ATP11B: variants seen among roughly 807,000 people sequenced by gnomAD.
ATP11B encodes phospholipid-transporting ATPase IF.
In ATP11B, 81 loss-of-function variants were observed where a neutral mutation model predicts 157.8. That is an observed-to-expected ratio of 0.51 (90% CI 0.43 to 0.62). The LOEUF (loss-of-function observed/expected upper bound fraction) is 0.62, where lower values mean the gene tolerates loss of function less well. ATP11B is among the 20% of genes least tolerant of loss of function. ATP11B has a pLI of 0.00. For missense variants in ATP11B, 1,165 were observed against 1,402.2 expected (o/e 0.83, Z 2.70); for synonymous variants, 451 against 469.4 (o/e 0.96, Z 0.51).
intron 10 of ATP11B, among the ~76,000 whole-genome samples, chr3:182,850,208 C>A (rs1177232942): frequency 2.0e-5 from 3 of 152,170 alleles, no homozygotes; most frequent in Admixed American, 2.0e-4. Flanking sequence ...CACGGTGGCT[C>A]ATGCCTGTAA....
intron 7 of ATP11B, 107 bp downstream of exon 7, chr3:182,837,281 T>G: frequency 1.3e-6 from 1 of 796,262 alleles, no homozygotes; most frequent in Non-Finnish European, 1.9e-6. Flanking sequence ...AGACTGTATT[T>G]GTGGGGTGGG....
In ATP11B at chr3:182,836,118, A is replaced by G. The variant is rs1283727135; in HGVS notation, c.399A>G (p.Val133=). Reference sequence around the variant, plus strand: ...ATGTTGTTCGAAGTGGTGGCCTTGTAAAAACTAGATCAAAAAACATTCGGG... The same window carrying G: ...ATGTTGTTCGAAGTGGTGGCCTTGTGAAAACTAGATCAAAAAACATTCGGG... ...PVYVVRSGGL[V]KTRSKNIRVG... is the part of the protein sequence containing the mutation. The change falls in exon 5 of 30, where the codon GTA becomes GTG. Residue 133 remains valine (V), a synonymous_variant. Transcript: ENST00000323116. 1 of 1,613,398 alleles carries G rather than the reference A, an allele frequency of 6.2e-7. No individual in the cohort carries two copies. The highest frequency in any genetic ancestry group is 8.5e-7 in the Non-Finnish European group (1 of 1,179,676).
At chr3:182,829,523 C>A in intron 3 of ATP11B, 149 bp from the exon 4 acceptor site, 1 of 622,390 alleles carries the variant, frequency 1.6e-6, no homozygotes, top group Non-Finnish European at 2.8e-6. Flanking sequence ...TTTAAATAGT[C>A]TTCCAACCCC....
chr3:182,851,192 T>A (rs1719948645), intron 10 of ATP11B, among the ~76,000 whole-genome samples: 1 of 152,186 alleles, frequency 6.6e-6, no homozygotes, highest in South Asian at 2.1e-4. Flanking sequence ...CCTGGGAGGC[T>A]GAAGCAGAGA....
intron 29 of ATP11B, chr3:182,917,175 TC>T (rs916106278): frequency 4.3e-5 from 42 of 985,230 alleles, no homozygotes; most frequent in Non-Finnish European, 4.9e-5. Flanking sequence ...CTGTAACATC[TC>T]TGTTTAGGGA....
intron 1 of ATP11B, among the ~76,000 whole-genome samples, chr3:182,797,072 C>T (rs1393391051): frequency 6.6e-6 from 1 of 152,206 alleles, no homozygotes; most frequent in Non-Finnish European, 1.5e-5. Context: ...TATACTGGTA[C>T]TTAATTCTTC....
At chr3:182,831,588 A>G (rs1242097905) in intron 4 of ATP11B, among the ~76,000 whole-genome samples, 2 of 131,930 alleles carry the variant, frequency 1.5e-5, no homozygotes, top group Non-Finnish European at 3.4e-5. Context: ...TTTTTTTTTT[A>G]AACTCACTGT....
chr3:182,879,968 T>TAA (rs1455705660), intron 20 of ATP11B, among the ~76,000 whole-genome samples: 2 of 152,252 alleles, frequency 1.3e-5, no homozygotes, highest in Non-Finnish European at 2.9e-5. Flanking sequence ...ACATCAATTA[T>TAA]TTGCACCTTC....
intron 25 of ATP11B, among the ~76,000 whole-genome samples, chr3:182,895,574 G>A (rs1723492134): frequency 6.6e-6 from 1 of 152,108 alleles, no homozygotes; most frequent in African/African-American, 2.4e-5. Flanking sequence ...TTTTGAACCA[G>A]TGTTAAGATA....
chr3:182,803,479 T>C (rs1716137406), intron 1 of ATP11B, among the ~76,000 whole-genome samples: 1 of 152,254 alleles, frequency 6.6e-6, no homozygotes, highest in South Asian at 2.1e-4. Context: ...ATGGTATCTT[T>C]TTTTATACAG....
chr3:182,865,626 C>T lies in ATP11B; in HGVS notation c.1371C>T (p.Ser457=). The change falls in exon 13 of 30, where the codon TCC becomes TCT. Residue 457 remains serine, a synonymous_variant. Transcript: ENST00000323116. ...ACTTATCTTATCTTAGTAGTTTATCCCATCTTAACAACTTATCCCATCTTA... is the reference window on the plus strand; with the variant it reads ...ACTTATCTTATCTTAGTAGTTTATCTCATCTTAACAACTTATCCCATCTTA... The part of the protein sequence containing the change: ...EGNLSYLSSL[S]HLNNLSHLTT... 2 of 1,613,250 alleles carry T rather than the reference C, an allele frequency of 1.2e-6. No homozygotes were observed. The highest frequency in any genetic ancestry group is 1.7e-6 in the Non-Finnish European group (2 of 1,179,400).
At chr3:182,878,777 TATCGTGA>T (rs1457041236) in intron 19 of ATP11B, among the ~76,000 whole-genome samples, 1 of 152,218 alleles carries the variant, frequency 6.6e-6, no homozygotes, top group East Asian at 1.9e-4. Context: ...TTGTTATGCA[TATCGTGA>T]ATCTTGCTCA....
intron 20 of ATP11B, 116 bp downstream of exon 20, chr3:182,879,765 G>A: frequency 1.1e-6 from 1 of 922,226 alleles, no homozygotes. Flanking sequence ...CATTTTGCTA[G>A]GAGTCAGTCA....
intron 10 of ATP11B, among the ~76,000 whole-genome samples, chr3:182,850,223 A>G (rs561992353): frequency 2.0e-5 from 3 of 152,322 alleles, no homozygotes; most frequent in African/African-American, 7.2e-5. Context: ...CTGTAATCCT[A>G]GCACTTTGGG....
chr3:182,852,684 C>A (rs1422050803), intron 10 of ATP11B, among the ~76,000 whole-genome samples: 1 of 152,222 alleles, frequency 6.6e-6, no homozygotes, highest in Non-Finnish European at 1.5e-5. Context: ...TTCACCCTTA[C>A]CCGTCTCCCG....
chr3:182,824,367 A>G (rs1304512248), intron 2 of ATP11B, among the ~76,000 whole-genome samples: 3 of 152,122 alleles, frequency 2.0e-5, no homozygotes, highest in East Asian at 1.9e-4. Context: ...TTTTGCAGCC[A>G]TTGTTGTGTG....
chr3:182,863,506 T>A (rs1721006920), intron 12 of ATP11B, among the ~76,000 whole-genome samples: 2 of 152,110 alleles, frequency 1.3e-5, no homozygotes, highest in Non-Finnish European at 2.9e-5. Flanking sequence ...TCTCAGCCTC[T>A]CTTTTTGCTT....
Position 182,793,660 on chromosome 3 carries a change from GC to G in ATP11B, c.-97del. On this transcript the variant is annotated 5_prime_UTR_variant, in exon 1 of 30. Transcript: ENST00000323116. Reference sequence around the variant, plus strand: ...GGCGGCGGCGGTAAGCGGAACTTCGGCCCGAGGGGCTCGCCCGCTCCCGCCT... The same window carrying G: ...GGCGGCGGCGGTAAGCGGAACTTCGGCCGAGGGGCTCGCCCGCTCCCGCCT... The G allele has an allele frequency of 2.7e-6, 2 of 737,314 alleles. No homozygotes were observed. The highest frequency in any genetic ancestry group is 3.9e-6 in the Non-Finnish European group (2 of 506,606). 45.7% of individuals were successfully genotyped at this position (737,314 alleles called of 1,614,324 possible). A position where few individuals can be genotyped will look rare whatever the true frequency, so the allele number is the denominator to read the frequency against.
intron 29 of ATP11B, chr3:182,915,008 G>A (rs1725048033): frequency 2.0e-6 from 2 of 985,276 alleles, no homozygotes; most frequent in South Asian, 9.4e-5. Context: ...CTTGGAAAAG[G>A]TTGGAAATTA....
Sources: allele counts gnomAD v4.1 joint callset (sites outside exome capture counted in the v4.1 genomes callset), GRCh38; gene constraint gnomAD v4.1.1; transcripts MANE v1.5; gene names NCBI Gene and HGNC (gene_info 2026-07-23, HGNC 2026-07-21).